Variants in SGCD observed in about 807,000 individuals in gnomAD.
SGCD encodes delta-sarcoglycan.
Under a neutral mutation model 36.6 loss-of-function variants are expected in SGCD, and 18 were observed. That is an observed-to-expected ratio of 0.49 (90% CI 0.34 to 0.73). The LOEUF (loss-of-function observed/expected upper bound fraction) is 0.73, where lower values mean the gene tolerates loss of function less well. Among genes scored for constraint, SGCD ranks in the 30% least tolerant of loss-of-function variants. The pLI, the probability that SGCD is intolerant of heterozygous loss-of-function variation, is 0.01. For synonymous variants in SGCD, 133 were observed against 130.6 expected, an observed-to-expected ratio of 1.02 and a Z score of -0.12; for missense variants, 387 against 346.7, an observed-to-expected ratio of 1.12 and a Z score of -0.92.
intron 3 of SGCD, among the ~76,000 whole-genome samples, chr5:156,144,109 T>C (rs1253913093): frequency 1.3e-5 from 2 of 152,126 alleles, no homozygotes; most frequent in African/African-American, 2.4e-5. Flanking sequence ...GGTGTATATG[T>C]GCCACATTTT....
At chr5:155,938,612 T>C (rs1230779034) in intron 1 of SGCD, among the ~76,000 whole-genome samples, 1 of 152,206 alleles carries the variant, frequency 6.6e-6, no homozygotes, top group East Asian at 1.9e-4. Flanking sequence ...ACTATGGCAA[T>C]GGTTTTTCCC....
chr5:156,699,565 C>T lies in SGCD; in HGVS notation c.575+52029C>T, dbSNP rs143657756. On this transcript the variant is annotated intron_variant, in intron 7 of 8. Transcript: ENST00000337851. ...CTGCCCAATCTCTAAAAGAAATTGA[C>T]TTGTTCTTCTCAAACAAAGGACTAT... 6.7e-3 allele frequency among the ~76,000 whole-genome samples: 1,015 copies of T among 152,098 alleles called. 8 individuals are homozygous for T. Among genetic ancestry groups the T allele is most frequent in the African/African-American group, 0.023 (948 of 41,492 alleles).
At chr5:156,515,098 T>C (rs896663618) in intron 4 of SGCD, among the ~76,000 whole-genome samples, 1 of 152,166 alleles carries the variant, frequency 6.6e-6, no homozygotes, top group Non-Finnish European at 1.5e-5. Context: ...AAACCCGTTT[T>C]ATATTCAGTA....
intron 1 of SGCD, among the ~76,000 whole-genome samples, chr5:155,981,630 G>C (rs192865066): frequency 3.3e-5 from 5 of 152,164 alleles, no homozygotes; most frequent in Admixed American, 2.6e-4. Flanking sequence ...CTTCTGCTGT[G>C]TTCAGCTTAG....
chr5:156,733,483 G>A (rs970076770), intron 7 of SGCD, among the ~76,000 whole-genome samples: 1 of 152,026 alleles, frequency 6.6e-6, no homozygotes, highest in Non-Finnish European at 1.5e-5. Flanking sequence ...TGAGAAGAAT[G>A]TATATTCTGT....
At chr5:156,573,511 T>A (rs917054266) in intron 4 of SGCD, among the ~76,000 whole-genome samples, 5 of 152,144 alleles carry the variant, frequency 3.3e-5, no homozygotes, top group African/African-American at 4.8e-5. Flanking sequence ...CCAAGCCTAG[T>A]TCTCTATGGC....
At chr5:155,985,481 A>G (rs1281663168) in intron 1 of SGCD, among the ~76,000 whole-genome samples, 2 of 152,052 alleles carry the variant, frequency 1.3e-5, no homozygotes, top group East Asian at 1.9e-4. Flanking sequence ...CTATGATTAC[A>G]TGGGGCCATC....
At chr5:156,361,180 T>C (rs1039239090) in intron 3 of SGCD, among the ~76,000 whole-genome samples, 1 of 152,200 alleles carries the variant, frequency 6.6e-6, no homozygotes. Flanking sequence ...ATGCGCTCCC[T>C]CCTGCAAGGG....
intron 1 of SGCD, among the ~76,000 whole-genome samples, chr5:156,093,590 A>G (rs1225962576): frequency 1.3e-5 from 2 of 152,220 alleles, no homozygotes; most frequent in Non-Finnish European, 2.9e-5. Flanking sequence ...ACCAGGATGC[A>G]CATCAGTAAC....
the SGCD span, among the ~76,000 whole-genome samples, chr5:155,761,652 C>T: frequency 6.9e-6 from 1 of 145,380 alleles, no homozygotes; most frequent in African/African-American, 2.8e-5. Context: ...CTCCATCATC[C>T]TCATCATCAC....
chr5:155,945,821 G>C (rs746154070), intron 1 of SGCD, among the ~76,000 whole-genome samples: 2 of 152,156 alleles, frequency 1.3e-5, no homozygotes, highest in African/African-American at 4.8e-5. Flanking sequence ...TCACCCTGAG[G>C]ATTTAAAGGC....
At chr5:156,652,845 G>A (rs937939210) in intron 7 of SGCD, among the ~76,000 whole-genome samples, 4 of 151,958 alleles carry the variant, frequency 2.6e-5, no homozygotes, top group African/African-American at 7.3e-5. Context: ...TATATCTCTT[G>A]AGATGATCAT....
At chr5:156,407,212 C>T (rs1772476177) in intron 3 of SGCD, among the ~76,000 whole-genome samples, 1 of 152,178 alleles carries the variant, frequency 6.6e-6, no homozygotes, top group Non-Finnish European at 1.5e-5. Flanking sequence ...TCAATCCAAG[C>T]AAGTTCACAC....
chr5:155,982,437 A>T (rs999419363), intron 1 of SGCD, among the ~76,000 whole-genome samples: 6 of 152,172 alleles, frequency 3.9e-5, no homozygotes, highest in Non-Finnish European at 7.3e-5. Context: ...CTCAACATAA[A>T]TCCATTTGGA....
intron 6 of SGCD, among the ~76,000 whole-genome samples, chr5:156,634,343 C>T (rs927934182): frequency 6.6e-6 from 1 of 152,128 alleles, no homozygotes. Flanking sequence ...TTGATCTGTG[C>T]AGCAAATCAC....
At chr5:155,959,238 A>ATATCTTCATTCATTCCTT (rs1757736407) in intron 1 of SGCD, among the ~76,000 whole-genome samples, 2 of 152,126 alleles carry the variant, frequency 1.3e-5, no homozygotes, top group Non-Finnish European at 2.9e-5. Context: ...TTTTCTTCCT[A>ATATCTTCATTCATTCCTT]TATCTTCATT....
At chr5:156,031,793 A>G (rs17537018) in intron 1 of SGCD, among the ~76,000 whole-genome samples, 27,388 of 152,110 alleles carry the variant, frequency 0.18, 2,621 homozygotes, top group Non-Finnish European at 0.2. Context: ...TAATTCAGCC[A>G]GGCCACACAG....
chr5:156,710,566 A>C (rs1381234112), intron 7 of SGCD, among the ~76,000 whole-genome samples: 1 of 152,212 alleles, frequency 6.6e-6, no homozygotes, highest in Non-Finnish European at 1.5e-5. Flanking sequence ...ATGAGACATT[A>C]ATACATGTAA....
At chr5:156,631,314 A>C (rs992186266) in intron 6 of SGCD, among the ~76,000 whole-genome samples, 3 of 152,178 alleles carry the variant, frequency 2.0e-5, no homozygotes, top group Non-Finnish European at 4.4e-5. Flanking sequence ...AGTATACCTT[A>C]ATCCTGTTTA....
Sources: allele counts gnomAD v4.1 joint callset (sites outside exome capture counted in the v4.1 genomes callset), GRCh38; gene constraint gnomAD v4.1.1; transcripts MANE v1.5; gene names NCBI Gene and HGNC (gene_info 2026-07-23, HGNC 2026-07-21).